Variants in SV2C observed in about 807,000 individuals in gnomAD.
The protein encoded by SV2C is synaptic vesicle glycoprotein 2C, also known as solute carrier family 22 member B3.
In SV2C, 49 loss-of-function variants were observed where a neutral mutation model predicts 79.7. The observed-to-expected ratio is 0.61, with a 90% CI of 0.49 to 0.78. The LOEUF (loss-of-function observed/expected upper bound fraction) is 0.78, where lower values mean the gene tolerates loss of function less well. Ranked by LOEUF, SV2C falls within the 30% of genes least tolerant of loss-of-function variation. SV2C has a pLI of 0.00. For synonymous variants in SV2C, 334 were observed against 333.2 expected (o/e 1.00, Z -0.03); for missense variants, 833 against 912.9 (o/e 0.91, Z 1.13).
the SV2C span, among the ~76,000 whole-genome samples, chr5:75,903,154 A>T: frequency 6.6e-6 from 1 of 152,188 alleles, no homozygotes; most frequent in Non-Finnish European, 1.5e-5. Flanking sequence ...CTCTTATTCC[A>T]GGGTCTGTCA....
intron 2 of SV2C, among the ~76,000 whole-genome samples, chr5:76,146,797 TAAAAAAAA>T (rs34569063): frequency 2.0e-4 from 8 of 39,348 alleles, no homozygotes; most frequent in African/African-American, 1.1e-3. Context: ...AGTTTTTTTT[TAAAAAAAA>T]AAAAAAAAAA....
At chr5:76,188,348 C>T (rs1377238948) in intron 2 of SV2C, among the ~76,000 whole-genome samples, 1 of 152,080 alleles carries the variant, frequency 6.6e-6, no homozygotes, top group Admixed American at 6.5e-5. Flanking sequence ...CTCTCAAAAC[C>T]CTGTGAAGTA....
chr5:76,243,514 G>C (rs1745859044), intron 4 of SV2C, among the ~76,000 whole-genome samples: 1 of 152,050 alleles, frequency 6.6e-6, no homozygotes, highest in Non-Finnish European at 1.5e-5. Flanking sequence ...GCTTTTCCTG[G>C]ATCTTTTTCA....
At chr5:76,348,420 T>C (rs959129694) in intron 12 of SV2C, among the ~76,000 whole-genome samples, 4 of 152,250 alleles carry the variant, frequency 2.6e-5, no homozygotes, top group African/African-American at 9.6e-5. Context: ...CAAGTTTTTG[T>C]ATGGACATAA....
chr5:75,944,735 A>C, the SV2C span, among the ~76,000 whole-genome samples: 1 of 152,172 alleles, frequency 6.6e-6, no homozygotes, highest in South Asian at 2.1e-4. Flanking sequence ...CTAGCAGAGC[A>C]CAGGAAAAGG....
At chr5:76,099,364 TCGTG>T (rs968889224) in intron 1 of SV2C, among the ~76,000 whole-genome samples, 4 of 104,058 alleles carry the variant, frequency 3.8e-5, no homozygotes, top group African/African-American at 9.1e-5. Flanking sequence ...TTTCTTTTGC[TCGTG>T]TGTGTGTGTG....
the SV2C span, among the ~76,000 whole-genome samples, chr5:76,026,485 C>T: frequency 6.6e-6 from 1 of 152,126 alleles, no homozygotes; most frequent in African/African-American, 2.4e-5. Context: ...TGTACTCAGG[C>T]AAGTACACAA....
At chr5:76,269,286 AT>A in intron 4 of SV2C, among the ~76,000 whole-genome samples, 1 of 152,378 alleles carries the variant, frequency 6.6e-6, no homozygotes, top group South Asian at 2.1e-4. Context: ...TCTCAGATGT[AT>A]AAAATAAAAA....
intron 12 of SV2C, among the ~76,000 whole-genome samples, chr5:76,319,351 G>A (rs963807159): frequency 1.3e-5 from 2 of 151,960 alleles, no homozygotes; most frequent in Non-Finnish European, 2.9e-5. Flanking sequence ...CCAGGAAGTC[G>A]AGGCTGCAGT....
At chr5:76,156,182 AC>A (rs1285142464) in intron 2 of SV2C, among the ~76,000 whole-genome samples, 1 of 152,034 alleles carries the variant, frequency 6.6e-6, no homozygotes, top group African/African-American at 2.4e-5. Flanking sequence ...AACAACATAT[AC>A]CCATAGCAAT....
chr5:76,103,930 C>T (rs1228972295), intron 1 of SV2C, among the ~76,000 whole-genome samples: 1 of 152,164 alleles, frequency 6.6e-6, no homozygotes, highest in Non-Finnish European at 1.5e-5. Context: ...AAGCTACAGA[C>T]CAATATCCCT....
chr5:76,034,508 A>G, the SV2C span, among the ~76,000 whole-genome samples: 4 of 152,158 alleles, frequency 2.6e-5, no homozygotes, highest in African/African-American at 9.7e-5. Flanking sequence ...TGAGATAATC[A>G]TGTGGTTTTT....
At chr5:76,006,867 C>G in the SV2C span, among the ~76,000 whole-genome samples, 33,095 of 151,926 alleles carry the variant, frequency 0.22, 4,092 homozygotes, top group East Asian at 0.37. Flanking sequence ...TGCCTGAATT[C>G]CTATCTATCC....
the SV2C span, among the ~76,000 whole-genome samples, chr5:75,959,315 A>G: frequency 6.6e-6 from 1 of 152,002 alleles, no homozygotes; most frequent in East Asian, 1.9e-4. Context: ...TTCTTTGGAG[A>G]TTCTGTCGTT....
At chr5:76,139,472 G>T (rs1343541561) in intron 2 of SV2C, among the ~76,000 whole-genome samples, 1 of 152,184 alleles carries the variant, frequency 6.6e-6, no homozygotes, top group Non-Finnish European at 1.5e-5. Flanking sequence ...TGGGAGTCCT[G>T]TTTTTCATTT....
chr5:76,269,451 G>A (rs1442647273), intron 4 of SV2C, among the ~76,000 whole-genome samples: 2 of 152,138 alleles, frequency 1.3e-5, no homozygotes, highest in East Asian at 3.9e-4. Flanking sequence ...CCCTACCTGG[G>A]CAGCCAACAA....
chr5:75,986,342 G>A, the SV2C span, among the ~76,000 whole-genome samples: 5 of 151,656 alleles, frequency 3.3e-5, no homozygotes, highest in Admixed American at 1.3e-4. Flanking sequence ...AGATGGAGAC[G>A]GATGACAGAA....
At chr5:76,047,764 T>A in the SV2C span, among the ~76,000 whole-genome samples, 1 of 144,904 alleles carries the variant, frequency 6.9e-6, no homozygotes. Context: ...TTTTTTTCTT[T>A]TCTTTTTTTT....
the SV2C span, among the ~76,000 whole-genome samples, chr5:76,078,269 G>A: frequency 1.3e-5 from 2 of 152,182 alleles, no homozygotes; most frequent in African/African-American, 4.8e-5. Context: ...AGCCTCTTAG[G>A]AGGGCAAGCC....
Sources: allele counts gnomAD v4.1 joint callset (sites outside exome capture counted in the v4.1 genomes callset), GRCh38; gene constraint gnomAD v4.1.1; transcripts MANE v1.5; gene names NCBI Gene and HGNC (gene_info 2026-07-23, HGNC 2026-07-21).